Variants in ATP8A1 observed in about 807,000 individuals in gnomAD.
The protein encoded by ATP8A1 is ATPase phospholipid transporting 8A1.
ATP8A1 carries 90 observed loss-of-function variants against 177.7 expected under a neutral mutation model. The ratio of observed to expected loss-of-function variants is 0.51; its 90% CI spans 0.43 to 0.60. The LOEUF (loss-of-function observed/expected upper bound fraction) is 0.60. Among genes scored for constraint, ATP8A1 ranks in the 20% least tolerant of loss-of-function variants. ATP8A1 has a pLI of 0.00. For synonymous variants in ATP8A1, 493 were observed against 485.9 expected, an observed-to-expected ratio of 1.01 and a Z score of -0.19; for missense variants, 1,072 against 1,392.8, an observed-to-expected ratio of 0.77 and a Z score of 3.67.
intron 33 of ATP8A1, among the ~76,000 whole-genome samples, chr4:42,425,229 G>T (rs1270220519): frequency 1.3e-5 from 2 of 152,028 alleles, no homozygotes; most frequent in African/African-American, 2.4e-5. Context: ...TGGTTGGGGG[G>T]GGGCAAGAGA....
chr4:42,618,159 C>A (rs1443002108), intron 4 of ATP8A1, among the ~76,000 whole-genome samples: 1 of 152,196 alleles, frequency 6.6e-6, no homozygotes, highest in African/African-American at 2.4e-5. Flanking sequence ...TGACCACTCC[C>A]TCCTTCTGGA....
chr4:42,645,933 G>GAA (rs112999367), intron 1 of ATP8A1, among the ~76,000 whole-genome samples: 4 of 142,156 alleles, frequency 2.8e-5, no homozygotes, highest in African/African-American at 1.0e-4. Flanking sequence ...CTAGGTTAGA[G>GAA]AAAAAAAAAA....
intron 20 of ATP8A1, among the ~76,000 whole-genome samples, chr4:42,540,032 A>C (rs1208614473): frequency 1.3e-5 from 2 of 152,222 alleles, no homozygotes; most frequent in Admixed American, 1.3e-4. Flanking sequence ...AAGTATCTGC[A>C]AACTATTCAC....
intron 23 of ATP8A1, among the ~76,000 whole-genome samples, chr4:42,504,265 A>C (rs1244491920): frequency 6.6e-6 from 1 of 152,128 alleles, no homozygotes; most frequent in East Asian, 1.9e-4. Context: ...TCTCATATCC[A>C]AGTACTTACT....
chr4:42,605,837 T>C (rs1735745499), intron 5 of ATP8A1, among the ~76,000 whole-genome samples: 1 of 152,236 alleles, frequency 6.6e-6, no homozygotes, highest in African/African-American at 2.4e-5. Context: ...TGCCCAAATG[T>C]ACACATCTAA....
intron 35 of ATP8A1, among the ~76,000 whole-genome samples, chr4:42,415,321 A>T (rs1253496339): frequency 6.6e-6 from 1 of 152,190 alleles, no homozygotes; most frequent in Admixed American, 6.5e-5. Flanking sequence ...TTTCAGAAAA[A>T]TAATTATGGT....
At chr4:42,415,971 G>T (rs1285033816) in intron 35 of ATP8A1, among the ~76,000 whole-genome samples, 1 of 152,184 alleles carries the variant, frequency 6.6e-6, no homozygotes, top group East Asian at 1.9e-4. Flanking sequence ...GGTATTATTG[G>T]ACATATTTTA....
chr4:42,426,948 A>G (rs1000118315), intron 33 of ATP8A1, among the ~76,000 whole-genome samples: 6 of 152,232 alleles, frequency 3.9e-5, no homozygotes, highest in African/African-American at 1.2e-4. Context: ...CCGGCATAAT[A>G]TATTAATTTT....
At chr4:42,563,175 A>G (rs1276883522) in intron 15 of ATP8A1, among the ~76,000 whole-genome samples, 2 of 152,186 alleles carry the variant, frequency 1.3e-5, no homozygotes, top group African/African-American at 4.8e-5. Flanking sequence ...GTGGACAATA[A>G]GGTCCAGGCT....
At chr4:42,552,910 C>T (rs936055556) in intron 16 of ATP8A1, among the ~76,000 whole-genome samples, 2 of 152,080 alleles carry the variant, frequency 1.3e-5, no homozygotes, top group Non-Finnish European at 1.5e-5. Flanking sequence ...ACCCGGGAGG[C>T]GGGAGGCGGA....
At chr4:42,637,313 G>C (rs764088592) in intron 1 of ATP8A1, 3 of 467,592 alleles carry the variant, frequency 6.4e-6, no homozygotes, top group Non-Finnish European at 8.5e-6. Context: ...TCTGAGTCCA[G>C]CACGTTCTGG....
rs773871555 is a variant in ATP8A1 at position 42,485,647 on chromosome 4, G to A, written c.2173C>T (p.Arg725Cys). The change falls in exon 25 of 37, where the codon CGT becomes TGT. Residue 725 changes from arginine (R) to cysteine (C), a missense_variant. Physicochemically the swap from Arg to Cys is radical, Grantham distance 180 (BLOSUM62 -3). Transcript: ENST00000381668. ...GCATCACCAAGGGTAGTACAGTGAC[G>A]ACTGAGAGTTTCCCTTGTTCCCTGG... ...SLDGTRETLS[R>C]HCTTLGDALR... is the part of the protein sequence containing the mutation. The A allele has an allele frequency of 1.4e-5, 23 of 1,610,314 alleles. No homozygotes were observed. The highest frequency in any genetic ancestry group is 6.7e-5 in the South Asian group (6 of 90,082).
rs868540411 is a variant in ATP8A1 at position 42,657,014 on chromosome 4, C to T, written c.-141G>A. ...CGCCGCCCACCTAGGGCAGAGCTGCCGCCGGGCGCGGCCCCCGCACGCCGA... is the reference window on the plus strand; with the variant it reads ...CGCCGCCCACCTAGGGCAGAGCTGCTGCCGGGCGCGGCCCCCGCACGCCGA... On this transcript the variant is annotated 5_prime_UTR_variant, in exon 1 of 37. Transcript: ENST00000381668. The T allele has an allele frequency of 3.5e-6, 3 of 846,758 alleles. No homozygotes were observed. The highest frequency in any genetic ancestry group is 4.1e-4 in the Middle Eastern group (1 of 2,456). The allele number at this position is 846,758 out of a possible 1,614,324, so 52.5% of individuals were successfully genotyped here.
chr4:42,410,433 T>C lies in ATP8A1; in HGVS notation c.*2483A>G, dbSNP rs929217623. The C allele has an allele frequency of 1.8e-4, 27 of 152,226 alleles. No individual in the cohort carries two copies. The highest frequency in any genetic ancestry group is 6.0e-4 in the African/African-American group (25 of 41,464). The allele number at this position is 152,226 out of a possible 1,614,324, so 9.4% of individuals were successfully genotyped here. A position where few individuals can be genotyped will look rare whatever the true frequency, so the allele number is the denominator to read the frequency against. ...AACACATGTTAAAAGTCACATTGAC[T>C]GTTTATTTCAATCCTGGTAAAACCA... On this transcript the variant is annotated 3_prime_UTR_variant, in exon 37 of 37. Transcript: ENST00000381668.
In ATP8A1 at chr4:42,503,532, G is replaced by A. The variant is rs773744616; in HGVS notation, c.2087-18C>T. ...GGAGTGTCCTGTATCCAAACACAGA[G>A]TATATTAAAATTAATTTCTCCAGAG... On this transcript the variant is annotated intron_variant, in intron 23 of 36. Transcript: ENST00000381668. The A allele has an allele frequency of 5.2e-6, 8 of 1,524,568 alleles. No individual in the cohort carries two copies. Among genetic ancestry groups the A allele is most frequent in the Non-Finnish European group, 7.2e-6 (8 of 1,112,374 alleles). 94.4% of individuals were successfully genotyped at this position (1,524,568 alleles called of 1,614,324 possible).
At chr4:42,632,462 C>G (rs1248506928) in intron 1 of ATP8A1, among the ~76,000 whole-genome samples, 1 of 152,088 alleles carries the variant, frequency 6.6e-6, no homozygotes, top group Non-Finnish European at 1.5e-5. Flanking sequence ...ACCAGAGACT[C>G]TAAGAGGCCA....
At chr4:42,635,778 C>CATATATATATATATATATATATATATAT (rs1279984098) in intron 1 of ATP8A1, among the ~76,000 whole-genome samples, 1 of 33,662 alleles carries the variant, frequency 3.0e-5, no homozygotes, top group African/African-American at 1.2e-4. Context: ...CACACACACA[C>CATATATATATATATATATATATATATAT]ACACATATAT....
In ATP8A1 at chr4:42,469,666, AAGGAG is replaced by A. The variant is rs1256772844; in HGVS notation, c.2325-4595_2325-4591del. On this transcript the variant is annotated intron_variant, in intron 25 of 36. Transcript: ENST00000381668. ...AGTTAGAATTTGACTTGGCCTTTGAAAGGAGAGGAGAGTTCACTTCAGGTAACAGA... is the reference window on the plus strand; with the variant it reads ...AGTTAGAATTTGACTTGGCCTTTGAAAGGAGAGTTCACTTCAGGTAACAGA... Among the ~76,000 whole-genome samples, 7 of 152,318 alleles carry A rather than the reference AAGGAG, an allele frequency of 4.6e-5. No individual in the cohort carries two copies. The South Asian group carries it at 6.2e-4, about 14-fold the overall frequency.
chr4:42,570,578 G>A (rs1006102156), intron 14 of ATP8A1, among the ~76,000 whole-genome samples: 4 of 152,210 alleles, frequency 2.6e-5, no homozygotes, highest in African/African-American at 9.6e-5. Context: ...GAGCTCAAGT[G>A]CCAGAGACCC....
Sources: allele counts gnomAD v4.1 joint callset (sites outside exome capture counted in the v4.1 genomes callset), GRCh38; gene constraint gnomAD v4.1.1; transcripts MANE v1.5; gene names NCBI Gene and HGNC (gene_info 2026-07-23, HGNC 2026-07-21).